RBSN: variants seen among roughly 807,000 people sequenced by gnomAD.
RBSN encodes the protein rabenosyn, RAB effector.
RBSN carries 34 observed loss-of-function variants against 60.5 expected under a neutral mutation model. The observed-to-expected ratio is 0.56, with a 90% CI of 0.43 to 0.75. The LOEUF (loss-of-function observed/expected upper bound fraction) is 0.75. Ranked by LOEUF, RBSN falls within the 30% of genes least tolerant of loss-of-function variation. RBSN has a pLI of 0.00. For missense variants in RBSN, 845 were observed against 986.8 expected, an observed-to-expected ratio of 0.86 and a Z score of 1.92; for synonymous variants, 322 against 366.9, an observed-to-expected ratio of 0.88 and a Z score of 1.40.
At chr3:15,088,271 A>G (rs2043400622) in intron 5 of RBSN, among the ~76,000 whole-genome samples, 1 of 152,222 alleles carries the variant, frequency 6.6e-6, no homozygotes, top group Non-Finnish European at 1.5e-5. Context: ...GTAATCTCAC[A>G]TGGGCAATCA....
chr3:15,093,129 A>G (rs2043561527), intron 4 of RBSN, among the ~76,000 whole-genome samples: 1 of 152,192 alleles, frequency 6.6e-6, no homozygotes, highest in Non-Finnish European at 1.5e-5. Context: ...CCTAATACTA[A>G]GGTTCACTCT....
rs1218785262 is a variant in RBSN at position 15,096,031 on chromosome 3, G to A, written c.90C>T (p.His30=). The part of the protein sequence containing the change: ...LKDLQSFYQL[H]SHYEEEHSGE... ...CTGAGTGTTCTTCCTCGTAATGTGA[G>A]TGAAGCTGATAGAAAGACTGCAGAT... is the stretch of plus-strand genomic sequence containing the variant. Residue 30 remains histidine (H), a synonymous_variant, in exon 4 of 14, where the codon CAC becomes CAT. Transcript: ENST00000253699. 6.2e-7 allele frequency: 1 copy of A among 1,614,070 alleles called. No homozygotes were observed. Among genetic ancestry groups the A allele is most frequent in the Non-Finnish European group, 8.5e-7 (1 of 1,180,018 alleles).
In RBSN at chr3:15,086,590, A is replaced by G. The variant is rs948444969; in HGVS notation, c.290-629T>C. Among the ~76,000 whole-genome samples the G allele has an allele frequency of 3.3e-5, 5 of 152,366 alleles. No individual in the cohort carries two copies. In the South Asian group the frequency reaches 6.2e-4, roughly 19 times the overall value. On this transcript the variant is annotated intron_variant, in intron 5 of 13. Transcript: ENST00000253699. ...TCACAGAGTTGTTAACGATGATTAA[A>G]TAAGTTAAAATTTGTAAAGTCTTAA...
chr3:15,078,962 A>G (rs1232164481), intron 10 of RBSN, among the ~76,000 whole-genome samples: 1 of 151,720 alleles, frequency 6.6e-6, no homozygotes, highest in African/African-American at 2.4e-5. Flanking sequence ...TGAAATTAAT[A>G]ACACTAGATA....
In RBSN at chr3:15,074,940, G is replaced by C. The variant is rs750878176; in HGVS notation, c.1207-10C>G. 1.4e-5 allele frequency: 22 copies of C among 1,594,324 alleles called. No individual in the cohort carries two copies. Among genetic ancestry groups the C allele is most frequent in the East Asian group, 2.2e-5 (1 of 44,774 alleles). Reference sequence around the variant, plus strand: ...GGGACTCCAGGGCAGCCTGGGGAGAGAGCAAAGCAGAGAGAAGAAACAGTC... The same window carrying C: ...GGGACTCCAGGGCAGCCTGGGGAGACAGCAAAGCAGAGAGAAGAAACAGTC... On this transcript the variant is annotated splice_polypyrimidine_tract_variant and intron_variant, in intron 13 of 13. Coordinates refer to ENST00000253699, the MANE Select transcript of RBSN (RefSeq NM_022340.4). This position sits in a 1 kb window ranked among gnomAD's most constrained non-coding sequence, Gnocchi z 6.4.
rs370318986 is a variant in RBSN at position 15,084,980 on chromosome 3, G to A, written c.436+20C>T. The A allele has an allele frequency of 4.3e-6, 7 of 1,614,142 alleles. No homozygotes were observed. The highest frequency in any genetic ancestry group is 2.7e-5 in the African/African-American group (2 of 75,050). On this transcript the variant is annotated intron_variant, in intron 7 of 13. Transcript: ENST00000253699. This position sits in a 1 kb window ranked among gnomAD's most constrained non-coding sequence, Gnocchi z 4.2. ...GAAAAAAAGATAATAAGATGAATGT[G>A]AGCAAAGTTTTAAAGTTACCTCGAA...
intron 4 of RBSN, among the ~76,000 whole-genome samples, chr3:15,092,414 T>C (rs1039321292): frequency 6.7e-6 from 1 of 150,014 alleles, no homozygotes; most frequent in Non-Finnish European, 1.5e-5. Flanking sequence ...TGTTTGTTTG[T>C]TTTTTTTTGA....
Position 15,074,078 on chromosome 3 carries a change from G to A in RBSN, c.2059C>T (p.Pro687Ser), listed in dbSNP as rs2042984779. 6.2e-7 allele frequency: 1 copy of A among 1,613,910 alleles called. No homozygotes were observed. Among genetic ancestry groups the A allele is most frequent in the African/African-American group, 1.3e-5 (1 of 74,888 alleles). The change falls in exon 14 of 14, where the codon CCT becomes TCT. Residue 687 changes from proline (P) to serine (S), a missense_variant. By Grantham distance (74) the Pro-to-Ser change is moderately conservative (BLOSUM62 -1). Coordinates refer to ENST00000253699, the MANE Select transcript of RBSN (RefSeq NM_022340.4). The surrounding 1 kb of genome is among the most constrained non-coding windows in gnomAD (Gnocchi z 6.4). ...NPFIQPDSPA[P>S]NPFSEEDEHP... ...TCGTCTTCCTCACTGAAGGGGTTAGGAGCTGGGCTGTCTGGCTGAATGAAT... is the reference window on the plus strand; with the variant it reads ...TCGTCTTCCTCACTGAAGGGGTTAGAAGCTGGGCTGTCTGGCTGAATGAAT...
At position 15,073,833 on chromosome 3, in the gene RBSN, A is replaced by G; in HGVS notation, c.2304T>C (p.Asn768=). 1 of 1,613,500 alleles carries G rather than the reference A, an allele frequency of 6.2e-7. No individual in the cohort carries two copies. Among genetic ancestry groups the G allele is most frequent in the Non-Finnish European group, 8.5e-7 (1 of 1,179,878 alleles). The change falls in exon 14 of 14, where the codon AAT becomes AAC. Residue 768 remains asparagine, a synonymous_variant. Coordinates refer to ENST00000253699, the MANE Select transcript of RBSN (RefSeq NM_022340.4). ...CCAGGGTGTGCTTCAGCTCCCGCAG[A>G]TTCTCTGTCAGCACCTCTACCTCAT... is the stretch of plus-strand genomic sequence containing the variant. ...RLDEVEVLTE[N]LRELKHTLAK... is the part of the protein sequence containing the mutation.
In RBSN at chr3:15,077,309, G is replaced by A. The variant is rs75933903; in HGVS notation, c.999-145C>T. ...GTGACTCCATTGAAGTTTCTTTGAAGGCAAAGCCCATTTCTTACCCTTTGG... is the reference window on the plus strand; with the variant it reads ...GTGACTCCATTGAAGTTTCTTTGAAAGCAAAGCCCATTTCTTACCCTTTGG... On this transcript the variant is annotated intron_variant, in intron 11 of 13. Transcript: ENST00000253699. The surrounding 1 kb of genome is among the most constrained non-coding windows in gnomAD (Gnocchi z 4.4). 5.4e-3 allele frequency: 3,760 copies of A among 693,412 alleles called. 15 individuals carry two copies. The highest frequency in any genetic ancestry group is 8.1e-3 in the Non-Finnish European group (3,230 of 398,224). 43.0% of individuals were successfully genotyped at this position (693,412 alleles called of 1,614,324 possible). A position where few individuals can be genotyped will look rare whatever the true frequency, so the allele number is the denominator to read the frequency against.
Position 15,082,215 on chromosome 3 carries a change from C to G in RBSN, c.840+152G>C, listed in dbSNP as rs1485996943. 1 of 1,077,742 alleles carries G rather than the reference C, an allele frequency of 9.3e-7. No homozygotes were observed. Among genetic ancestry groups the G allele is most frequent in the East Asian group, 2.6e-5 (1 of 39,012 alleles). 66.8% of individuals were successfully genotyped at this position (1,077,742 alleles called of 1,614,324 possible). On this transcript the variant is annotated intron_variant, in intron 9 of 13. Coordinates refer to ENST00000253699, the MANE Select transcript of RBSN (RefSeq NM_022340.4). The surrounding 1 kb of genome is among the most constrained non-coding windows in gnomAD (Gnocchi z 4.2). ...GACTCTGACTCACACAGGGCCCTAG[C>G]TGGGAAATCATAACATGGGCCTTTA...
At chr3:15,086,084 C>A in intron 5 of RBSN, 123 bp from the exon 6 acceptor site, 6 of 243,782 alleles carry the variant, frequency 2.5e-5, no homozygotes, top group South Asian at 8.9e-5. Flanking sequence ...GAGACCCCGT[C>A]TCTCTCCAAA....
At chr3:15,086,091 CAAAAAAA>C (rs60131546) in intron 5 of RBSN, 130 bp from the exon 6 acceptor site, 8 of 92,364 alleles carry the variant, frequency 8.7e-5, no homozygotes, top group East Asian at 2.2e-4. Context: ...CGTCTCTCTC[CAAAAAAA>C]AAAAAAAAAA....
Position 15,074,802 on chromosome 3 carries a change from T to C in RBSN, c.1335A>G (p.Pro445=). Residue 445 remains proline, a synonymous_variant, in exon 14 of 14, where the codon CCA becomes CCG. Transcript: ENST00000253699. The surrounding 1 kb of genome is among the most constrained non-coding windows in gnomAD (Gnocchi z 6.4). ...CACTCTGCCCCTGACCTCCTGACAG[T>C]GGGAGCCAGCCCTCAGCCTTTCTCA... ...APLRKAEGWL[P]LSGGQGQSED... The C allele has an allele frequency of 3.7e-6, 6 of 1,614,252 alleles. No homozygotes were observed. Among genetic ancestry groups the C allele is most frequent in the Non-Finnish European group, 5.1e-6 (6 of 1,180,044 alleles).
rs2042951879 is a variant in RBSN, at chr3:15,072,842, T to C, written c.*940A>G. 1 of 152,232 alleles carries C rather than the reference T, an allele frequency of 6.6e-6. No individual in the cohort carries two copies. The highest frequency in any genetic ancestry group is 2.4e-5 in the African/African-American group (1 of 41,438). 9.4% of individuals were successfully genotyped at this position (152,232 alleles called of 1,614,324 possible). On this transcript the variant is annotated 3_prime_UTR_variant, in exon 14 of 14. Transcript: ENST00000253699. ...CATTCTCCTGCCTCAGCCTCCAAAGTAGCTGGGACTACAGGCACCCACCAC... is the reference window on the plus strand; with the variant it reads ...CATTCTCCTGCCTCAGCCTCCAAAGCAGCTGGGACTACAGGCACCCACCAC...
chr3:15,086,055 G>C (rs755188087), intron 5 of RBSN, 94 bp from the exon 6 acceptor site: 2 of 752,936 alleles, frequency 2.7e-6, no homozygotes, highest in Admixed American at 2.4e-5. Flanking sequence ...AATTTCAAAA[G>C]CAGGTTGGTC....
At position 15,085,922 on chromosome 3, in the gene RBSN, C is replaced by T. The variant is rs1248707557; in HGVS notation, c.329G>A (p.Arg110Gln). ...RSHLSDFKKH[R>Q]AARIDHYVVE... is the part of the protein sequence containing the mutation. Reference sequence around the variant, plus strand: ...AACATAGTGGTCAATTCTAGCAGCTCGGTGTTTTTTGAAGTCGGAAAGATG... The same window carrying T: ...AACATAGTGGTCAATTCTAGCAGCTTGGTGTTTTTTGAAGTCGGAAAGATG... The change falls in exon 6 of 14, where the codon CGA (arginine) becomes CAA (glutamine). Residue 110 changes from arginine to glutamine, a missense_variant. Physicochemically the swap from Arg to Gln is conservative, Grantham distance 43. Coordinates refer to ENST00000253699, the MANE Select transcript of RBSN (RefSeq NM_022340.4). 11 of 1,613,866 alleles carry T rather than the reference C, an allele frequency of 6.8e-6. No homozygotes were observed. Among genetic ancestry groups the T allele is most frequent in the Middle Eastern group, 1.6e-4 (1 of 6,062 alleles).
Position 15,077,489 on chromosome 3 carries a change from C to T in RBSN, c.999-325G>A, listed in dbSNP as rs2043084216. On this transcript the variant is annotated intron_variant, in intron 11 of 13. Transcript: ENST00000253699. The surrounding 1 kb of genome is among the most constrained non-coding windows in gnomAD (Gnocchi z 4.4). The stretch of plus-strand genomic sequence containing the variant: ...TGGTTTAATGCTCTGCTGTTAGTGT[C>T]TTTATTCTTAATAACTTTTGAACAG... Among the ~76,000 whole-genome samples, 1 of 152,178 alleles carries T rather than the reference C, an allele frequency of 6.6e-6. No homozygotes were observed. The highest frequency in any genetic ancestry group is 6.5e-5 in the Admixed American group (1 of 15,280).
rs1192295664 is a variant in RBSN at position 15,070,598 on chromosome 3, G to A, written c.*3184C>T. 1.3e-5 allele frequency: 2 copies of A among 152,610 alleles called. No individual in the cohort carries two copies. Among genetic ancestry groups the A allele is most frequent in the Non-Finnish European group, 2.9e-5 (2 of 68,046 alleles). 9.5% of individuals were successfully genotyped at this position (152,610 alleles called of 1,614,324 possible). Reference sequence around the variant, plus strand: ...GTTGTGGTTATAATACATAGGCCAAGTTTGCCTGCTGTCAACCCATCTCTG... The same window carrying A: ...GTTGTGGTTATAATACATAGGCCAAATTTGCCTGCTGTCAACCCATCTCTG... On this transcript the variant is annotated 3_prime_UTR_variant, in exon 14 of 14. Transcript: ENST00000253699.
Sources: allele counts gnomAD v4.1 joint callset (sites outside exome capture counted in the v4.1 genomes callset), GRCh38; gene constraint gnomAD v4.1.1; non-coding constraint Gnocchi (gnomAD v3.1); transcripts MANE v1.5; gene names NCBI Gene and HGNC (gene_info 2026-07-23, HGNC 2026-07-21).